Variants in FANCB observed in about 807,000 individuals in gnomAD.
FANCB encodes Fanconi anemia group B protein.
A neutral mutation model predicts 38.9 loss-of-function variants in FANCB; 5 were observed. That is an observed-to-expected ratio of 0.13 (90% CI 0.07 to 0.27). The LOEUF (loss-of-function observed/expected upper bound fraction) is 0.27, where lower values mean the gene tolerates loss of function less well. Among genes scored for constraint, FANCB ranks in the 10% least tolerant of loss-of-function variants. The pLI, the probability that FANCB is intolerant of heterozygous loss-of-function variation, is 1.00. For synonymous variants in FANCB, 236 were observed against 215.4 expected (o/e 1.10, Z -0.84); for missense variants, 573 against 602.7 (o/e 0.95, Z 0.52).
chrX:14,850,897 G>A (rs934268285), intron 6 of FANCB, among the ~76,000 whole-genome samples: 6 of 110,511 alleles, frequency 5.4e-5, no homozygotes. Context: ...GCATGACTGG[G>A]GTATGGCAAG....
the FANCB span, among the ~76,000 whole-genome samples, chrX:14,803,903 C>T: frequency 3.6e-5 from 4 of 111,543 alleles, no homozygotes; most frequent in Admixed American, 9.5e-5. Context: ...TCACTGGCCA[C>T]CAGAGAAATG....
the FANCB span, among the ~76,000 whole-genome samples, chrX:14,768,197 A>C: frequency 8.9e-6 from 1 of 111,846 alleles, no homozygotes; most frequent in Non-Finnish European, 1.9e-5. Context: ...TTCTGTGAAG[A>C]ATGTCAGTGG....
At chrX:14,773,193 AAGG>A in the FANCB span, among the ~76,000 whole-genome samples, 1 of 112,587 alleles carries the variant, frequency 8.9e-6, no homozygotes, top group African/African-American at 3.2e-5. Context: ...AGAAATTTAT[AAGG>A]AGATTTTTAA....
At chrX:14,839,066 G>A (rs1432732446), downstream of FANCB, among the ~76,000 whole-genome samples, 1 of 111,246 alleles carries the variant, frequency 9.0e-6, no homozygotes, top group Non-Finnish European at 1.9e-5. Context: ...GGTCGAGGAG[G>A]GCGGATCACC....
chrX:14,802,042 G>T, the FANCB span, among the ~76,000 whole-genome samples: 3 of 111,701 alleles, frequency 2.7e-5, no homozygotes, highest in Non-Finnish European at 5.6e-5. Flanking sequence ...AAAGATACAT[G>T]AATCATGGCT....
chrX:14,867,066 C>T (rs1263097632), intron 2 of FANCB, among the ~76,000 whole-genome samples: 2 of 111,162 alleles, frequency 1.8e-5, no homozygotes, highest in Non-Finnish European at 3.8e-5. Context: ...CTATAATATA[C>T]TGATGAAAAA....
chrX:14,805,638 T>C, the FANCB span, among the ~76,000 whole-genome samples: 1 of 112,156 alleles, frequency 8.9e-6, no homozygotes, highest in East Asian at 2.8e-4. Flanking sequence ...CACAGGCATT[T>C]TGTATTTCCT....
At chrX:14,870,188 G>T (rs964882187) in intron 1 of FANCB, among the ~76,000 whole-genome samples, 1 of 111,013 alleles carries the variant, frequency 9.0e-6, no homozygotes, top group African/African-American at 3.3e-5. Flanking sequence ...AAAGTTCTTG[G>T]GATATGTTCA....
In FANCB at chrX:14,844,567, A is replaced by T; in HGVS notation, c.2101T>A (p.Tyr701Asn). Residue 701 changes from tyrosine to asparagine, a missense_variant, in exon 9 of 10, where the codon TAT (tyrosine) becomes AAT (asparagine). Tyr to Asn is a moderately radical substitution (Grantham distance 143). Transcript: ENST00000650831. Reference protein sequence around the residue: ...VYFCERPGSFYGTLFTWKQRT... With the variant: ...VYFCERPGSFNGTLFTWKQRT... ...TGTTTCCAAGTGAAGAGTGTCCCATAGAAACTTCCCGGTCTTTCACAAAAG... is the reference window on the plus strand; with the variant it reads ...TGTTTCCAAGTGAAGAGTGTCCCATTGAAACTTCCCGGTCTTTCACAAAAG... The T allele has an allele frequency of 8.3e-7, 1 of 1,210,161 alleles. No homozygotes were observed.
chrX:14,800,205 G>A, the FANCB span, among the ~76,000 whole-genome samples: 2 of 111,853 alleles, frequency 1.8e-5, no homozygotes, highest in Admixed American at 9.5e-5. Context: ...GATCTATGAA[G>A]AACACTCATG....
At chrX:14,870,687 G>T (rs886414642) in intron 1 of FANCB, among the ~76,000 whole-genome samples, 3 of 110,876 alleles carry the variant, frequency 2.7e-5, no homozygotes, top group Admixed American at 9.6e-5. Flanking sequence ...ACTCTTTACT[G>T]CCCCCCCTCT....
the FANCB span, among the ~76,000 whole-genome samples, chrX:14,741,258 C>T: frequency 9.0e-6 from 1 of 111,400 alleles, no homozygotes; most frequent in African/African-American, 3.3e-5. Context: ...GAAGGAACTG[C>T]ACTAGATAAA....
At chrX:14,831,504 A>T (rs143271100), downstream of FANCB, among the ~76,000 whole-genome samples, 1,557 of 111,794 alleles carry the variant, frequency 0.014, 25 homozygotes, top group African/African-American at 0.041. Flanking sequence ...CAGTATAAGC[A>T]ATGGAAACTG....
intron 4 of FANCB, among the ~76,000 whole-genome samples, chrX:14,858,269 C>T (rs377364960): frequency 9.1e-6 from 1 of 110,073 alleles, no homozygotes; most frequent in African/African-American, 3.3e-5. Flanking sequence ...GTGGCGCGCA[C>T]CTGTAATCCC....
chrX:14,716,231 T>C, the FANCB span, among the ~76,000 whole-genome samples: 1 of 111,542 alleles, frequency 9.0e-6, no homozygotes, highest in African/African-American at 3.3e-5. Context: ...TATAGTCCTA[T>C]ACCCACAAAT....
At chrX:14,730,519 C>T in the FANCB span, 1 of 988,603 alleles carries the variant, frequency 1.0e-6, no homozygotes, top group Non-Finnish European at 1.4e-6. Context: ...CTTCTTGCCT[C>T]AGTGTTGTGC....
the FANCB span, among the ~76,000 whole-genome samples, chrX:14,767,063 T>C: frequency 2.7e-5 from 3 of 112,452 alleles, no homozygotes; most frequent in Admixed American, 1.9e-4. Context: ...GGTGTATATA[T>C]ACCACATTTT....
At chrX:14,730,845 T>C in the FANCB span, 1 of 181,374 alleles carries the variant, frequency 5.5e-6, no homozygotes, top group Non-Finnish European at 1.0e-5. Flanking sequence ...TTGGTCCTTT[T>C]GGTTTGGTTT....
the FANCB span, among the ~76,000 whole-genome samples, chrX:14,713,781 C>G: frequency 9.0e-6 from 1 of 111,285 alleles, no homozygotes; most frequent in Non-Finnish European, 1.9e-5. Context: ...AGAGGGAGAA[C>G]AGCAGGAGTT....
Sources: allele counts gnomAD v4.1 joint callset (sites outside exome capture counted in the v4.1 genomes callset), GRCh38; gene constraint gnomAD v4.1.1; transcripts MANE v1.5; gene names NCBI Gene and HGNC (gene_info 2026-07-23, HGNC 2026-07-21).